The following CCDC158 variants were observed in gnomAD, a reference collection of about 807,000 sequenced individuals.
The protein encoded by CCDC158 is coiled-coil domain-containing protein 158.
CCDC158 carries 116 observed loss-of-function variants against 138.6 expected under a neutral mutation model. That is an observed-to-expected ratio of 0.84 (90% CI 0.72 to 0.98). The LOEUF is 0.98. Among genes scored for constraint, CCDC158 ranks in the 50% least tolerant of loss-of-function variants. The pLI is 0.00. For missense variants in CCDC158, 1,265 were observed against 1,306.1 expected (o/e 0.97, Z 0.48); for synonymous variants, 436 against 442.4 (o/e 0.99, Z 0.18).
chr4:76,383,862 C>T (rs751461568), intron 6 of CCDC158, 124 bp from the exon 7 acceptor site: 1 of 744,136 alleles, frequency 1.3e-6, no homozygotes, highest in Non-Finnish European at 2.3e-6. Flanking sequence ...CAGATACATT[C>T]TATCCCCATA....
intron 24 of CCDC158, among the ~76,000 whole-genome samples, chr4:76,314,143 C>A (rs968772229): frequency 3.3e-5 from 5 of 152,126 alleles, no homozygotes; most frequent in Admixed American, 1.3e-4. Context: ...CCCAGAATTC[C>A]CCCTAAAAAT....
chr4:76,397,824 A>G (rs1270564529), intron 3 of CCDC158, among the ~76,000 whole-genome samples: 8 of 152,242 alleles, frequency 5.3e-5, no homozygotes, highest in Admixed American at 5.2e-4. Flanking sequence ...CCTCAGTAGC[A>G]ATATGCATGC....
At chr4:76,338,442 G>A (rs1721747311) in intron 18 of CCDC158, among the ~76,000 whole-genome samples, 1 of 152,212 alleles carries the variant, frequency 6.6e-6, no homozygotes, top group Middle Eastern at 3.2e-3. Flanking sequence ...AACCTGGGAG[G>A]CAGAGGTTGT....
intron 9 of CCDC158, chr4:76,375,651 A>G: frequency 5.7e-6 from 4 of 701,742 alleles, no homozygotes; most frequent in Non-Finnish European, 1.0e-5. Context: ...TACAGAGCCA[A>G]TAGTGACAGC....
At chr4:76,343,209 A>G (rs1040004012) in intron 18 of CCDC158, among the ~76,000 whole-genome samples, 1 of 152,200 alleles carries the variant, frequency 6.6e-6, no homozygotes, top group Non-Finnish European at 1.5e-5. Context: ...ATTTATACCT[A>G]TAAGTCAGGA....
intron 11 of CCDC158, 38 bp downstream of exon 11, chr4:76,369,388 G>C (rs201708932): frequency 6.3e-7 from 1 of 1,594,500 alleles, no homozygotes; most frequent in East Asian, 2.2e-5. Flanking sequence ...CCCCAGAGGA[G>C]ATTGTTTGGC....
At chr4:76,334,525 A>T (rs551026666) in intron 18 of CCDC158, among the ~76,000 whole-genome samples, 1 of 152,232 alleles carries the variant, frequency 6.6e-6, no homozygotes, top group Non-Finnish European at 1.5e-5. Context: ...TACTTTGTTT[A>T]AAGCTAAACT....
At chr4:76,413,152 G>C (rs974181186) in intron 1 of CCDC158, among the ~76,000 whole-genome samples, 7 of 151,682 alleles carry the variant, frequency 4.6e-5, no homozygotes, top group Non-Finnish European at 8.8e-5. Flanking sequence ...AAACCACCAA[G>C]ATTTTTGGAA....
intron 23 of CCDC158, among the ~76,000 whole-genome samples, chr4:76,325,484 G>A (rs2271402): frequency 0.039 from 5,865 of 152,124 alleles, 498 homozygotes; most frequent in East Asian, 0.35. Flanking sequence ...TGTACGGTAT[G>A]CACTTATACT....
chr4:76,376,046 C>T (rs527667249), intron 9 of CCDC158, among the ~76,000 whole-genome samples: 8 of 151,628 alleles, frequency 5.3e-5, no homozygotes, highest in Non-Finnish European at 1.0e-4. Flanking sequence ...TTTCCTTTCA[C>T]ACAAATCTCA....
At chr4:76,372,982 G>C (rs1241927177) in intron 9 of CCDC158, among the ~76,000 whole-genome samples, 1 of 152,154 alleles carries the variant, frequency 6.6e-6, no homozygotes, top group Non-Finnish European at 1.5e-5. Flanking sequence ...CCAAGTAGCT[G>C]GGATTATAGG....
chr4:76,395,323 T>C (rs1170193294), intron 4 of CCDC158, among the ~76,000 whole-genome samples: 1 of 152,196 alleles, frequency 6.6e-6, no homozygotes, highest in Non-Finnish European at 1.5e-5. Flanking sequence ...GGGTACATAA[T>C]TTTCAACACT....
At chr4:76,335,715 G>A (rs1721417590) in intron 18 of CCDC158, among the ~76,000 whole-genome samples, 1 of 152,092 alleles carries the variant, frequency 6.6e-6, no homozygotes, top group Non-Finnish European at 1.5e-5. Context: ...CAGTAGCTGA[G>A]GACTACAGGC....
intron 4 of CCDC158, among the ~76,000 whole-genome samples, chr4:76,393,909 C>A (rs111480952): frequency 0.22 from 33,740 of 151,984 alleles, 3,931 homozygotes; most frequent in Middle Eastern, 0.29. Context: ...TAGAGAAATG[C>A]AAATCTGAAC....
chr4:76,389,451 C>G (rs974601206), intron 4 of CCDC158, among the ~76,000 whole-genome samples: 1 of 152,008 alleles, frequency 6.6e-6, no homozygotes, highest in African/African-American at 2.4e-5. Flanking sequence ...AACAATGAAG[C>G]ACACCTAAAG....
In CCDC158 at chr4:76,371,544, G is replaced by C; in HGVS notation, c.1030-8C>G. The C allele has an allele frequency of 1.2e-6, 2 of 1,614,000 alleles. No homozygotes were observed. Among genetic ancestry groups the C allele is most frequent in the Non-Finnish European group, 1.7e-6 (2 of 1,179,936 alleles). On this transcript the variant is annotated splice_polypyrimidine_tract_variant and splice_region_variant and intron_variant, in intron 9 of 24. Coordinates refer to ENST00000682701, the MANE Select transcript of CCDC158 (RefSeq NM_001394954.1). ...CTTTTCCAGCTCTTCTGTCTGAAAG[G>C]AAAGTACAAATTGAACAGTGTCTGA...
chr4:76,357,577 GTTAA>G (rs947839855), intron 13 of CCDC158, 51 bp from the exon 14 acceptor site: 1 of 1,106,120 alleles, frequency 9.0e-7, no homozygotes, highest in Non-Finnish European at 1.2e-6. Flanking sequence ...CTATCCCATT[GTTAA>G]TTAAGTATAT....
chr4:76,325,261 A>C (rs1284363415), intron 23 of CCDC158, among the ~76,000 whole-genome samples: 2 of 152,244 alleles, frequency 1.3e-5, no homozygotes, highest in Non-Finnish European at 2.9e-5. Context: ...TGTCTAGTTT[A>C]TCTCTTACAA....
intron 1 of CCDC158, chr4:76,414,371 A>G (rs2109920015): frequency 6.6e-6 from 1 of 152,350 alleles, no homozygotes; most frequent in Non-Finnish European, 1.5e-5. Flanking sequence ...TATTCTGTTA[A>G]GTTTAAAATC....
Sources: gnomAD v4.1 joint callset for allele counts (sites outside exome capture counted in the v4.1 genomes callset) on GRCh38, gnomAD v4.1.1 for gene constraint, MANE v1.5 for transcripts, NCBI Gene and HGNC (gene_info 2026-07-23, HGNC 2026-07-21) for gene names.